GPC3: variants seen among roughly 807,000 people sequenced by gnomAD.
GPC3 encodes glypican-3.
Under a neutral mutation model 34.4 loss-of-function variants are expected in GPC3, and 3 were observed. The observed-to-expected ratio is 0.09, with a 90% CI of 0.04 to 0.23. The LOEUF is 0.23. GPC3 is among the 10% of genes least tolerant of loss of function. The pLI is 1.00. For synonymous variants in GPC3, 177 were observed against 174.0 expected, an observed-to-expected ratio of 1.02 and a Z score of -0.13; for missense variants, 351 against 445.6, an observed-to-expected ratio of 0.79 and a Z score of 1.91.
intron 2 of GPC3, among the ~76,000 whole-genome samples, chrX:133,835,433 A>G (rs1345966147): frequency 2.7e-5 from 3 of 112,094 alleles, no homozygotes; most frequent in African/African-American, 9.7e-5. Context: ...CCCATATTCA[A>G]TGAAGAGAAC....
chrX:133,858,994 T>C (rs2075921833), intron 2 of GPC3, among the ~76,000 whole-genome samples: 1 of 104,521 alleles, frequency 9.6e-6, no homozygotes, highest in Non-Finnish European at 1.9e-5. Context: ...GGCAGGAGAA[T>C]GGCGTGAACC....
intron 1 of GPC3, among the ~76,000 whole-genome samples, chrX:133,984,679 T>A (rs182846180): frequency 4.9e-4 from 54 of 111,103 alleles, no homozygotes; most frequent in Non-Finnish European, 7.5e-5. Flanking sequence ...AGGAAAAGGT[T>A]CAGTCTCCTC....
At chrX:133,623,300 C>T (rs1190960924) in intron 6 of GPC3, among the ~76,000 whole-genome samples, 1 of 111,983 alleles carries the variant, frequency 8.9e-6, no homozygotes, top group Admixed American at 9.5e-5. Flanking sequence ...ATTAAATTCA[C>T]ACATAACAAT....
chrX:133,651,781 T>C (rs1342361246), intron 6 of GPC3, among the ~76,000 whole-genome samples: 1 of 112,059 alleles, frequency 8.9e-6, no homozygotes, highest in Non-Finnish European at 1.9e-5. Flanking sequence ...ATTGATACAT[T>C]TCATATATGA....
At chrX:133,691,217 G>A (rs1308221953) in intron 5 of GPC3, among the ~76,000 whole-genome samples, 1 of 111,142 alleles carries the variant, frequency 9.0e-6, no homozygotes, top group Non-Finnish European at 1.9e-5. Flanking sequence ...ACAAATACTC[G>A]GCTGGGTGGA....
intron 7 of GPC3, among the ~76,000 whole-genome samples, chrX:133,549,318 G>A (rs1312245401): frequency 3.6e-5 from 4 of 111,675 alleles, no homozygotes; most frequent in Admixed American, 9.5e-5. Context: ...TTCTGTGATA[G>A]CTGGAACCAG....
intron 6 of GPC3, among the ~76,000 whole-genome samples, chrX:133,606,887 A>G (rs960776810): frequency 8.9e-6 from 1 of 111,789 alleles, no homozygotes; most frequent in African/African-American, 3.3e-5. Context: ...AAATATTAAT[A>G]TTATACATGA....
At chrX:133,710,518 C>T (rs907462544) in intron 3 of GPC3, among the ~76,000 whole-genome samples, 1 of 112,312 alleles carries the variant, frequency 8.9e-6, no homozygotes, top group Non-Finnish European at 1.9e-5. Flanking sequence ...CTTTGTGTGT[C>T]ATAATCCTGG....
chrX:133,715,071 G>A (rs979653293), intron 3 of GPC3, among the ~76,000 whole-genome samples: 3 of 111,897 alleles, frequency 2.7e-5, no homozygotes, highest in Non-Finnish European at 3.8e-5. Flanking sequence ...GACTGGGAGA[G>A]GCAGACACAA....
At chrX:133,877,862 A>T (rs936445589) in intron 2 of GPC3, among the ~76,000 whole-genome samples, 4 of 111,963 alleles carry the variant, frequency 3.6e-5, no homozygotes, top group Non-Finnish European at 7.5e-5. Context: ...ACTATAATAC[A>T]TACACAAACA....
intron 2 of GPC3, among the ~76,000 whole-genome samples, chrX:133,772,333 C>A (rs1922390136): frequency 9.0e-6 from 1 of 110,656 alleles, no homozygotes; most frequent in South Asian, 3.9e-4. Context: ...AGACCTATGT[C>A]ACTATTGATC....
intron 7 of GPC3, among the ~76,000 whole-genome samples, chrX:133,542,950 T>C (rs1351688197): frequency 8.9e-6 from 1 of 111,885 alleles, no homozygotes; most frequent in East Asian, 2.8e-4. Context: ...AACTTTTAGA[T>C]GTGAAATGAC....
chrX:133,679,815 C>T (rs764403975), intron 5 of GPC3, among the ~76,000 whole-genome samples: 214 of 110,323 alleles, frequency 1.9e-3, no homozygotes, highest in Non-Finnish European at 3.7e-3. Context: ...CCACCACGCC[C>T]GGCTAATTTT....
At chrX:133,565,275 A>G (rs1347445569) in intron 7 of GPC3, among the ~76,000 whole-genome samples, 2 of 110,599 alleles carry the variant, frequency 1.8e-5, no homozygotes, top group Admixed American at 1.9e-4. Context: ...CTCTCTCCTG[A>G]CCCCCGCAAT....
At chrX:133,618,395 G>T (rs1166231210) in intron 6 of GPC3, among the ~76,000 whole-genome samples, 4 of 111,751 alleles carry the variant, frequency 3.6e-5, no homozygotes, top group Non-Finnish European at 7.5e-5. Flanking sequence ...AATTCAAAAT[G>T]AAATTCAAAA....
At chrX:133,677,957 A>T (rs2070901026) in intron 5 of GPC3, among the ~76,000 whole-genome samples, 2 of 111,262 alleles carry the variant, frequency 1.8e-5, no homozygotes, top group Non-Finnish European at 1.9e-5. Flanking sequence ...TGACGTCAGG[A>T]TTTCCACCAA....
At chrX:133,791,886 CTT>C (rs747084452) in intron 2 of GPC3, among the ~76,000 whole-genome samples, 8 of 78,299 alleles carry the variant, frequency 1.0e-4, no homozygotes, top group Admixed American at 1.5e-4. Context: ...TTCTTTCTTT[CTT>C]TTTTTTTTTT....
At chrX:133,681,007 G>T (rs1035030277) in intron 5 of GPC3, among the ~76,000 whole-genome samples, 1 of 111,685 alleles carries the variant, frequency 9.0e-6, no homozygotes, top group Non-Finnish European at 1.9e-5. Flanking sequence ...ATGAGAGGGG[G>T]GTAGGTGTTC....
chrX:133,933,378 C>T (rs773023302), intron 2 of GPC3, among the ~76,000 whole-genome samples: 1 of 110,824 alleles, frequency 9.0e-6, no homozygotes, highest in African/African-American at 3.3e-5. Flanking sequence ...GCCTCACCTG[C>T]AGGTTTAGAA....
Sources: gnomAD v4.1 joint callset for allele counts (sites outside exome capture counted in the v4.1 genomes callset) on GRCh38, gnomAD v4.1.1 for gene constraint, MANE v1.5 for transcripts, NCBI Gene and HGNC (gene_info 2026-07-23, HGNC 2026-07-21) for gene names.